SMAP1: variants seen among roughly 807,000 people sequenced by gnomAD.
SMAP1 encodes the protein stromal membrane-associated protein 1.
A neutral mutation model predicts 58.5 loss-of-function variants in SMAP1; 24 were observed. The ratio of observed to expected loss-of-function variants is 0.41; its 90% confidence interval spans 0.30 to 0.58. SMAP1 has a LOEUF of 0.58. Among genes scored for constraint, SMAP1 ranks in the 20% least tolerant of loss-of-function variants. The probability of loss-of-function intolerance (pLI) is 0.29; values close to 1 mark genes in which losing one functional copy is unlikely to be tolerated. For missense variants in SMAP1, 563 were observed against 566.3 expected (o/e 0.99, Z 0.06); for synonymous variants, 216 against 196.6 (o/e 1.10, Z -0.82).
At chr6:70,856,095 ACT>A (rs1260747123) in intron 8 of SMAP1, among the ~76,000 whole-genome samples, 2 of 151,898 alleles carry the variant, frequency 1.3e-5, no homozygotes, top group South Asian at 2.1e-4. Flanking sequence ...ATTCTTTGAA[ACT>A]CTCTTCATAT....
At chr6:70,731,442 G>A (rs1040049160) in intron 1 of SMAP1, among the ~76,000 whole-genome samples, 17 of 152,032 alleles carry the variant, frequency 1.1e-4, no homozygotes, top group Admixed American at 9.2e-4. Flanking sequence ...TCATATATGC[G>A]TATTATATGT....
chr6:70,713,008 G>C (rs1419013365), intron 1 of SMAP1, among the ~76,000 whole-genome samples: 1 of 151,870 alleles, frequency 6.6e-6, no homozygotes, highest in Non-Finnish European at 1.5e-5. Context: ...GGTCAGGCTG[G>C]TCTTGAACTC....
At chr6:70,782,016 T>C (rs1767782902) in intron 4 of SMAP1, among the ~76,000 whole-genome samples, 2 of 152,318 alleles carry the variant, frequency 1.3e-5, no homozygotes, top group East Asian at 3.9e-4. Flanking sequence ...AAGAATGTCT[T>C]TACTGGATTT....
At chr6:70,727,689 C>T (rs1443768241) in intron 1 of SMAP1, among the ~76,000 whole-genome samples, 2 of 152,058 alleles carry the variant, frequency 1.3e-5, no homozygotes, top group African/African-American at 2.4e-5. Context: ...TTCTTTAACC[C>T]GTCTTAGAAT....
At chr6:70,706,535 A>G (rs146496503) in intron 1 of SMAP1, among the ~76,000 whole-genome samples, 77 of 152,316 alleles carry the variant, frequency 5.1e-4, no homozygotes, top group African/African-American at 1.6e-3. Context: ...TACAGAGGTT[A>G]AAGAGGTAAA....
chr6:70,762,265 G>A (rs1766781848), intron 3 of SMAP1, among the ~76,000 whole-genome samples: 1 of 152,036 alleles, frequency 6.6e-6, no homozygotes, highest in Non-Finnish European at 1.5e-5. Flanking sequence ...TGTAAATAAG[G>A]TTTTATTAGA....
At chr6:70,836,494 G>A (rs1390095353) in intron 6 of SMAP1, among the ~76,000 whole-genome samples, 1 of 152,090 alleles carries the variant, frequency 6.6e-6, no homozygotes, top group Non-Finnish European at 1.5e-5. Flanking sequence ...GTAGTAGCTA[G>A]GAAATAATAT....
At position 70,704,146 on chromosome 6, in the gene SMAP1, T is replaced by C. The variant is rs188910683; in HGVS notation, c.119-28232T>C. The stretch of plus-strand genomic sequence containing the variant: ...CCTTGTTTCTTTTTATTGAAACTTA[T>C]ATTTTTCCTAGGCTCATTGAAGAGA... On this transcript the variant is annotated intron_variant, in intron 1 of 10. Transcript: ENST00000370455. Among the ~76,000 whole-genome samples the C allele has an allele frequency of 7.2e-5, 11 of 152,374 alleles. 1 individual carries two copies. In the East Asian group the frequency reaches 1.5e-3, roughly 21 times the overall value.
At chr6:70,755,699 C>G (rs1766458681) in intron 3 of SMAP1, among the ~76,000 whole-genome samples, 1 of 151,944 alleles carries the variant, frequency 6.6e-6, no homozygotes, top group Non-Finnish European at 1.5e-5. Flanking sequence ...ACTGATTCTT[C>G]TTGATTGTTC....
At chr6:70,821,500 C>T (rs1274926602) in intron 6 of SMAP1, among the ~76,000 whole-genome samples, 1 of 152,008 alleles carries the variant, frequency 6.6e-6, no homozygotes, top group Admixed American at 6.6e-5. Context: ...CTGTGCTAAT[C>T]AAGAGTACAG....
intron 3 of SMAP1, among the ~76,000 whole-genome samples, chr6:70,771,023 C>T (rs1331111654): frequency 6.6e-6 from 1 of 152,192 alleles, no homozygotes; most frequent in Admixed American, 6.5e-5. Flanking sequence ...ACTCCAGACC[C>T]TGTTTGCCTG....
chr6:70,723,712 C>T (rs1433447469), intron 1 of SMAP1, among the ~76,000 whole-genome samples: 1 of 152,152 alleles, frequency 6.6e-6, no homozygotes, highest in African/African-American at 2.4e-5. Flanking sequence ...GAGCCCTTAA[C>T]AGTGTGTTGA....
intron 3 of SMAP1, 151 bp downstream of exon 3, chr6:70,755,216 G>C (rs536527756): frequency 2.3e-4 from 139 of 597,654 alleles, no homozygotes; most frequent in Non-Finnish European, 3.7e-4. Context: ...GCTGTGCTTT[G>C]TATATGGTAG....
At chr6:70,788,582 A>G (rs1373399940) in intron 4 of SMAP1, among the ~76,000 whole-genome samples, 2 of 152,168 alleles carry the variant, frequency 1.3e-5, no homozygotes, top group Admixed American at 6.6e-5. Context: ...TTTTAACTCA[A>G]AATTAAAGGA....
intron 7 of SMAP1, among the ~76,000 whole-genome samples, chr6:70,850,548 G>C (rs182797405): frequency 4.0e-5 from 6 of 150,878 alleles, no homozygotes; most frequent in Admixed American, 6.6e-5. Context: ...ACATATATAA[G>C]TATATATACA....
intron 2 of SMAP1, among the ~76,000 whole-genome samples, chr6:70,737,582 T>G (rs1477634298): frequency 6.6e-6 from 1 of 152,264 alleles, no homozygotes; most frequent in African/African-American, 2.4e-5. Context: ...GTACCATATA[T>G]TGTTACCTTT....
intron 5 of SMAP1, among the ~76,000 whole-genome samples, chr6:70,792,157 T>G (rs1282783317): frequency 6.6e-6 from 1 of 152,172 alleles, no homozygotes; most frequent in Non-Finnish European, 1.5e-5. Context: ...ATAGTAAACA[T>G]CATACAGATA....
chr6:70,695,455 C>T (rs1767361081), intron 1 of SMAP1, among the ~76,000 whole-genome samples: 1 of 152,014 alleles, frequency 6.6e-6, no homozygotes. Flanking sequence ...AGGTATGTTC[C>T]TTCCATACCC....
chr6:70,810,373 T>A (rs1220990404), intron 6 of SMAP1, among the ~76,000 whole-genome samples: 1 of 152,152 alleles, frequency 6.6e-6, no homozygotes, highest in Non-Finnish European at 1.5e-5. Context: ...CATATACATT[T>A]GTAAGAAGTC....
Sources: gnomAD v4.1 joint callset for allele counts (sites outside exome capture counted in the v4.1 genomes callset) on GRCh38, gnomAD v4.1.1 for gene constraint, MANE v1.5 for transcripts, NCBI Gene and HGNC (gene_info 2026-07-23, HGNC 2026-07-21) for gene names.